The following MROH9 variants were observed in gnomAD, a reference collection of about 807,000 sequenced individuals.
The protein encoded by MROH9 is maestro heat-like repeat-containing protein family member 9.
MROH9 carries 92 observed loss-of-function variants against 98.2 expected under a neutral mutation model. That is an observed-to-expected ratio of 0.94 (90% CI 0.79 to 1.11). MROH9 has a LOEUF of 1.11. Among genes scored for constraint, MROH9 ranks in the 50% most tolerant of loss-of-function variants. MROH9 has a pLI of 0.00. For synonymous variants in MROH9, 397 were observed against 368.9 expected, an observed-to-expected ratio of 1.08 and a Z score of -0.87; for missense variants, 1,057 against 1,014.8, an observed-to-expected ratio of 1.04 and a Z score of -0.57.
chr1:170,983,866 T>C (rs1651026544), intron 9 of MROH9, among the ~76,000 whole-genome samples: 1 of 152,208 alleles, frequency 6.6e-6, no homozygotes, highest in South Asian at 2.1e-4. Context: ...TTAGAAAAAT[T>C]AACAGTCGTC....
chr1:170,998,276 T>C lies in MROH9; in HGVS notation c.1596+2T>C. On this transcript the variant is annotated splice_donor_variant, in intron 15 of 21. Coordinates refer to ENST00000367759, the MANE Select transcript of MROH9 (RefSeq NM_001163629.2). LOFTEE classifies it high-confidence loss of function. ...ATCGTATTAATATTCCTCACTGAAG[T>C]GAGTTTTGTAGACTGTGAACAGCTG... 6.2e-7 allele frequency: 1 copy of C among 1,612,514 alleles called. No homozygotes were observed. The highest frequency in any genetic ancestry group is 1.1e-5 in the South Asian group (1 of 91,054).
chr1:170,965,452 G>A (rs1236206451), intron 7 of MROH9, among the ~76,000 whole-genome samples, 197 bp downstream of exon 7: 1 of 151,970 alleles, frequency 6.6e-6, no homozygotes, highest in Non-Finnish European at 1.5e-5. Flanking sequence ...TCAAACAATT[G>A]GTTAAGACGC....
chr1:171,017,068 G>A (rs73038293), intron 17 of MROH9, among the ~76,000 whole-genome samples: 3,077 of 152,262 alleles, frequency 0.02, 129 homozygotes, highest in African/African-American at 0.071. Flanking sequence ...ATGAAAAAAA[G>A]TAGTGGCAAA....
At chr1:170,941,865 A>G (rs1396467328) in intron 1 of MROH9, among the ~76,000 whole-genome samples, 2 of 152,110 alleles carry the variant, frequency 1.3e-5, no homozygotes, top group Non-Finnish European at 2.9e-5. Context: ...CTAACATTCC[A>G]ATCTCCCTAA....
chr1:171,017,009 T>G (rs1000105914), intron 17 of MROH9, among the ~76,000 whole-genome samples: 5 of 152,138 alleles, frequency 3.3e-5, no homozygotes, highest in African/African-American at 1.2e-4. Flanking sequence ...AACTTCTAAG[T>G]TTTTAATCAC....
rs1460641319 is a variant in MROH9, at chr1:171,064,332, G to A, written c.2578G>A (p.Ala860Thr). The A allele has an allele frequency of 1.3e-6, 2 of 1,532,864 alleles. No individual in the cohort carries two copies. The highest frequency in any genetic ancestry group is 1.8e-6 in the Non-Finnish European group (2 of 1,142,160). 95.0% of individuals were successfully genotyped at this position (1,532,864 alleles called of 1,614,324 possible). A position where few individuals can be genotyped will look rare whatever the true frequency, so the allele number is the denominator to read the frequency against. Reference sequence around the variant, plus strand: ...CAGTAAAGATGTCAAGAATGATAAGGCCTTATAGAAGAGAATGATGATGAC... The same window carrying A: ...CAGTAAAGATGTCAAGAATGATAAGACCTTATAGAAGAGAATGATGATGAC... ...TDSKDVKNDKAL is the reference protein window; with the variant it reads ...TDSKDVKNDKTL Residue 860 changes from alanine to threonine, a missense_variant, in exon 22 of 22, where the codon GCC becomes ACC. Coordinates refer to ENST00000367759, the MANE Select transcript of MROH9 (RefSeq NM_001163629.2).
At chr1:170,984,805 C>A (rs1651067057) in intron 9 of MROH9, among the ~76,000 whole-genome samples, 1 of 152,184 alleles carries the variant, frequency 6.6e-6, no homozygotes, top group Non-Finnish European at 1.5e-5. Flanking sequence ...CCCAGCACTA[C>A]ATGCGGGAAC....
At chr1:170,953,129 T>C (rs1322219800) in intron 3 of MROH9, among the ~76,000 whole-genome samples, 2 of 152,278 alleles carry the variant, frequency 1.3e-5, no homozygotes, top group Middle Eastern at 3.4e-3. Context: ...CCTTAAACTA[T>C]TGTCTTATCA....
intron 4 of MROH9, among the ~76,000 whole-genome samples, chr1:170,959,235 C>A (rs28683759): frequency 6.6e-6 from 1 of 151,840 alleles, no homozygotes. Context: ...ATTAGCCAGG[C>A]GTGGTGGCGG....
At chr1:170,945,483 T>G (rs1557868028) in intron 1 of MROH9, 37 bp from the exon 2 acceptor site, 5 of 1,493,706 alleles carry the variant, frequency 3.3e-6, no homozygotes, top group Non-Finnish European at 4.7e-6. Flanking sequence ...GTAGGAAAGT[T>G]TCTGGTTTAT....
intron 3 of MROH9, among the ~76,000 whole-genome samples, chr1:170,952,372 TG>T (rs1649585166): frequency 6.6e-6 from 1 of 152,082 alleles, no homozygotes; most frequent in Non-Finnish European, 1.5e-5. Flanking sequence ...AATGATAGAC[TG>T]GATTAAGAAA....
chr1:170,958,457 T>A lies in MROH9; in HGVS notation c.73-4T>A. The A allele has an allele frequency of 6.5e-7, 1 of 1,535,936 alleles. No individual in the cohort carries two copies. Among genetic ancestry groups the A allele is most frequent in the Non-Finnish European group, 8.9e-7 (1 of 1,121,232 alleles). The stretch of plus-strand genomic sequence containing the variant: ...TTTTTTTTTTTTTTTAACATGGTAC[T>A]TAGGCACATAAAGTTAACAGCCTAT... On this transcript the variant is annotated splice_region_variant and splice_polypyrimidine_tract_variant and intron_variant, in intron 3 of 21. Coordinates refer to ENST00000367759, the MANE Select transcript of MROH9 (RefSeq NM_001163629.2).
intron 20 of MROH9, among the ~76,000 whole-genome samples, 188 bp from the exon 21 acceptor site, chr1:171,061,944 A>G (rs1654027984): frequency 6.6e-6 from 1 of 152,178 alleles, no homozygotes; most frequent in South Asian, 2.1e-4. Flanking sequence ...ATTCATGCAC[A>G]TTTATACTCT....
At chr1:170,939,964 T>C (rs1330371684) in intron 1 of MROH9, among the ~76,000 whole-genome samples, 1 of 152,236 alleles carries the variant, frequency 6.6e-6, no homozygotes, top group Non-Finnish European at 1.5e-5. Flanking sequence ...CTGGATCTGC[T>C]GCATCCTATT....
At chr1:171,024,895 A>G in intron 19 of MROH9, 130 bp downstream of exon 19, 1 of 618,278 alleles carries the variant, frequency 1.6e-6, no homozygotes, top group Non-Finnish European at 2.8e-6. Context: ...AATATTTTAA[A>G]TAAGTGATTA....
chr1:170,943,977 A>G (rs1327108668), intron 1 of MROH9, among the ~76,000 whole-genome samples: 1 of 152,086 alleles, frequency 6.6e-6, no homozygotes, highest in African/African-American at 2.4e-5. Context: ...TGTAAATATT[A>G]TACATCTTGA....
intron 20 of MROH9, among the ~76,000 whole-genome samples, chr1:171,054,178 A>G (rs1653756299): frequency 6.6e-6 from 1 of 152,224 alleles, no homozygotes; most frequent in South Asian, 2.1e-4. Flanking sequence ...AATAATTAGA[A>G]GCTTAATTTT....
chr1:170,966,873 C>G (rs1650253702), intron 7 of MROH9, among the ~76,000 whole-genome samples: 1 of 152,118 alleles, frequency 6.6e-6, no homozygotes, highest in Non-Finnish European at 1.5e-5. Context: ...TATCTCACCA[C>G]TCAAAACTGT....
At chr1:171,026,284 T>TTTC (rs1652711275) in intron 20 of MROH9, among the ~76,000 whole-genome samples, 1 of 151,530 alleles carries the variant, frequency 6.6e-6, no homozygotes, top group African/African-American at 2.4e-5. Context: ...CTTTTCTTTT[T>TTTC]TTTTTTTTAA....
Sources: gnomAD v4.1 joint callset for allele counts (sites outside exome capture counted in the v4.1 genomes callset) on GRCh38, gnomAD v4.1.1 for gene constraint, MANE v1.5 for transcripts, NCBI Gene and HGNC (gene_info 2026-07-23, HGNC 2026-07-21) for gene names.